Variants in LIMS1 observed in about 807,000 individuals in gnomAD.
The protein encoded by LIMS1 is LIM zinc finger domain containing 1, also known as LIM and senescent cell antigen-like-containing domain protein 1.
In LIMS1, 18 loss-of-function variants were observed where a neutral mutation model predicts 44.1. That is an observed-to-expected ratio of 0.41 (90% CI 0.28 to 0.61). LIMS1 has a LOEUF of 0.61. LIMS1 is among the 20% of genes least tolerant of loss of function. The pLI is 0.32. For synonymous variants in LIMS1, 93 were observed against 149.1 expected (o/e 0.62, Z 2.74); for missense variants, 201 against 422.0 (o/e 0.48, Z 4.59).
intron 1 of LIMS1, among the ~76,000 whole-genome samples, chr2:108,557,100 T>G (rs1208267524): frequency 6.6e-6 from 1 of 152,140 alleles, no homozygotes; most frequent in East Asian, 1.9e-4. Context: ...CCTTGACATA[T>G]AGGGTCTCAC....
intron 1 of LIMS1, among the ~76,000 whole-genome samples, chr2:108,577,377 G>A (rs901692036): frequency 3.9e-5 from 6 of 152,176 alleles, no homozygotes; most frequent in Non-Finnish European, 7.3e-5. Context: ...GCTGTGTCAC[G>A]ACAGAATATT....
At chr2:108,536,005 G>A (rs1684123936) in intron 1 of LIMS1, among the ~76,000 whole-genome samples, 1 of 151,966 alleles carries the variant, frequency 6.6e-6, no homozygotes, top group African/African-American at 2.4e-5. Flanking sequence ...CTTCATCATG[G>A]ACTTTTTTCC....
At position 108,625,459 on chromosome 2, in the gene LIMS1, TC is replaced by T. The variant is rs1688508561; in HGVS notation, c.33-34143del. Among the ~76,000 whole-genome samples the T allele has an allele frequency of 2.0e-5, 3 of 152,264 alleles. No homozygotes were observed. The South Asian group carries it at 6.2e-4, about 32-fold the overall frequency. On this transcript the variant is annotated intron_variant, in intron 1 of 9. Coordinates refer to ENST00000544547, the Ensembl canonical transcript of LIMS1. The stretch of plus-strand genomic sequence containing the variant: ...GCTGAGATAAGAACTCCTAGAGCTT[TC>T]CCTTTTCCCTGTTCCTTCGGCCATG...
intron 1 of LIMS1, among the ~76,000 whole-genome samples, chr2:108,575,783 T>C (rs1416616121): frequency 6.6e-6 from 1 of 152,146 alleles, no homozygotes; most frequent in East Asian, 1.9e-4. Flanking sequence ...CAGGGTTGTT[T>C]AGTCTTTCTC....
intron 1 of LIMS1, among the ~76,000 whole-genome samples, chr2:108,566,831 A>G (rs1421962548): frequency 1.3e-5 from 2 of 152,172 alleles, no homozygotes; most frequent in Non-Finnish European, 2.9e-5. Flanking sequence ...TCCTGACCTC[A>G]GGTGATGCTC....
chr2:108,548,506 A>G (rs1466096624), intron 1 of LIMS1, among the ~76,000 whole-genome samples: 6 of 152,222 alleles, frequency 3.9e-5, no homozygotes, highest in Non-Finnish European at 1.5e-5. Flanking sequence ...AGTATTCGTC[A>G]GGTGCTTTCC....
At chr2:108,588,022 A>G (rs374840086) in intron 1 of LIMS1, among the ~76,000 whole-genome samples, 1 of 152,230 alleles carries the variant, frequency 6.6e-6, no homozygotes, top group African/African-American at 2.4e-5. Flanking sequence ...AGAGATCCAG[A>G]GGGCCAGAGG....
chr2:108,670,291 G>A (rs1467290217), intron 2 of LIMS1, among the ~76,000 whole-genome samples: 2 of 151,880 alleles, frequency 1.3e-5, no homozygotes, highest in African/African-American at 4.8e-5. Flanking sequence ...CCAAGAACTA[G>A]CCTAGGCAAC....
At chr2:108,654,402 G>A (rs1282438598) in intron 1 of LIMS1, among the ~76,000 whole-genome samples, 1 of 151,950 alleles carries the variant, frequency 6.6e-6, no homozygotes, top group Non-Finnish European at 1.5e-5. Context: ...CCCATTCATT[G>A]AAGCTGAGAT....
chr2:108,612,754 G>C (rs745378401), intron 1 of LIMS1, among the ~76,000 whole-genome samples: 2 of 152,004 alleles, frequency 1.3e-5, no homozygotes, highest in Non-Finnish European at 2.9e-5. Context: ...ACTAGGTCTG[G>C]GTCATTTGGA....
chr2:108,558,504 G>C (rs908979506), intron 1 of LIMS1, among the ~76,000 whole-genome samples: 1 of 151,188 alleles, frequency 6.6e-6, no homozygotes, highest in African/African-American at 2.4e-5. Context: ...CCACCACACC[G>C]GGACGATTTG....
intron 1 of LIMS1, among the ~76,000 whole-genome samples, chr2:108,634,681 T>G (rs1323390609): frequency 6.6e-6 from 1 of 152,230 alleles, no homozygotes; most frequent in Non-Finnish European, 1.5e-5. Context: ...AGGGACTATT[T>G]AGAAAACAGG....
At chr2:108,640,065 T>G (rs570261615) in intron 1 of LIMS1, among the ~76,000 whole-genome samples, 1 of 152,292 alleles carries the variant, frequency 6.6e-6, no homozygotes, top group East Asian at 1.9e-4. Context: ...TCCCATCCAG[T>G]CTCGTGTCTT....
intron 1 of LIMS1, among the ~76,000 whole-genome samples, chr2:108,656,260 T>G (rs968219837): frequency 1.3e-5 from 2 of 151,126 alleles, no homozygotes; most frequent in African/African-American, 2.4e-5. Context: ...TGGAAGTAGA[T>G]CAGCTTCATC....
At chr2:108,562,113 A>T (rs1484032954) in intron 1 of LIMS1, among the ~76,000 whole-genome samples, 6 of 152,172 alleles carry the variant, frequency 3.9e-5, no homozygotes, top group Non-Finnish European at 7.4e-5. Context: ...CAAATAAGAT[A>T]TCACACTCAA....
At chr2:108,562,748 G>A (rs1329428462) in intron 1 of LIMS1, among the ~76,000 whole-genome samples, 1 of 152,230 alleles carries the variant, frequency 6.6e-6, no homozygotes, top group Non-Finnish European at 1.5e-5. Flanking sequence ...ATCTAGCTAA[G>A]ATAATTAATG....
At chr2:108,647,027 C>G (rs1219890473) in intron 1 of LIMS1, among the ~76,000 whole-genome samples, 1 of 152,024 alleles carries the variant, frequency 6.6e-6, no homozygotes, top group Non-Finnish European at 1.5e-5. Flanking sequence ...GGCCCAGGAG[C>G]TGGTTTTTTG....
At chr2:108,670,943 G>C (rs556765394) in intron 3 of LIMS1, 96 bp downstream of exon 3, 807 of 1,019,868 alleles carry the variant, frequency 7.9e-4, no homozygotes, top group Admixed American at 1.2e-3. Flanking sequence ...GGCGGAGGGA[G>C]GAGGATCACC....
chr2:108,625,924 A>G (rs1025041559), intron 1 of LIMS1, among the ~76,000 whole-genome samples: 1 of 152,210 alleles, frequency 6.6e-6, no homozygotes, highest in Admixed American at 6.5e-5. Flanking sequence ...GTTCCTGACT[A>G]GTACATAACC....
Sources: gnomAD v4.1 joint callset for allele counts (sites outside exome capture counted in the v4.1 genomes callset) on GRCh38, gnomAD v4.1.1 for gene constraint, MANE v1.5 for transcripts, NCBI Gene and HGNC (gene_info 2026-07-23, HGNC 2026-07-21) for gene names.